GCKR: variants seen among roughly 807,000 people sequenced by gnomAD.
GCKR encodes glucokinase regulatory protein.
A neutral mutation model predicts 82.9 loss-of-function variants in GCKR; 73 were observed. That is an observed-to-expected ratio of 0.88 (90% CI 0.73 to 1.07). The LOEUF (loss-of-function observed/expected upper bound fraction) is 1.07, where lower values mean the gene tolerates loss of function less well. Among genes scored for constraint, GCKR ranks in the 50% least tolerant of loss-of-function variants. The pLI is 0.00. For synonymous variants in GCKR, 294 were observed against 291.8 expected (o/e 1.01, Z -0.08); for missense variants, 784 against 782.1 (o/e 1.00, Z -0.03).
Position 27,523,311 on chromosome 2 carries a change from A to G in GCKR, c.1750A>G (p.Ile584Val). 2 of 1,613,046 alleles carry G rather than the reference A, an allele frequency of 1.2e-6. No homozygotes were observed. Among genetic ancestry groups the G allele is most frequent in the Admixed American group, 1.7e-5 (1 of 60,024 alleles). Residue 584 changes from isoleucine to valine, a missense_variant, in exon 19 of 19, where the codon ATC becomes GTC. Coordinates refer to ENST00000264717, the MANE Select transcript of GCKR (RefSeq NM_001486.4). ...ALLSLLFRCS[I>V]TEAQAHLAAA... ...GCTGAGCCTCCTATTCCGGTGCTCG[A>G]TCACTGAGGCTCAGGCACACCTGGC...
chr2:27,499,789 G>A (rs897099643), intron 7 of GCKR, among the ~76,000 whole-genome samples: 10 of 152,046 alleles, frequency 6.6e-5, no homozygotes, highest in East Asian at 3.8e-4. Flanking sequence ...ATGGAGTCTC[G>A]CTCTGTCACC....
At chr2:27,511,844 C>T (rs115964708) in intron 16 of GCKR, among the ~76,000 whole-genome samples, 371 of 152,056 alleles carry the variant, frequency 2.4e-3, no homozygotes, top group Non-Finnish European at 3.8e-3. Flanking sequence ...CAGAAAAATA[C>T]GAAAATGGTG....
chr2:27,514,869 C>T (rs1163365819), intron 16 of GCKR, among the ~76,000 whole-genome samples: 1 of 152,192 alleles, frequency 6.6e-6, no homozygotes, highest in Non-Finnish European at 1.5e-5. Context: ...ATGCTGCTCT[C>T]CTACAGCCTC....
At chr2:27,510,825 AT>A (rs1343685248) in intron 16 of GCKR, among the ~76,000 whole-genome samples, 3 of 148,162 alleles carry the variant, frequency 2.0e-5, no homozygotes, top group South Asian at 2.1e-4. Flanking sequence ...TTTGGGGGGT[AT>A]TTTTTTTTCT....
intron 16 of GCKR, among the ~76,000 whole-genome samples, chr2:27,517,021 T>C (rs1043877858): frequency 1.3e-5 from 2 of 151,590 alleles, no homozygotes; most frequent in African/African-American, 4.9e-5. Context: ...ACCTTTTTTT[T>C]TTTTTTTTTT....
intron 16 of GCKR, among the ~76,000 whole-genome samples, chr2:27,511,215 A>T (rs951165436): frequency 1.3e-5 from 2 of 151,682 alleles, no homozygotes; most frequent in Non-Finnish European, 2.9e-5. Context: ...TTTTGTAGAG[A>T]CAGGGTTTCA....
Position 27,506,783 on chromosome 2 carries a change from C to A in GCKR, c.969-5C>A, listed in dbSNP as rs1669758035. Reference sequence around the variant, plus strand: ...CTCATGTCCTGACCTCTGACCCATTCTCAGTCTGGAGAAGAAAGGCCACGT... The same window carrying A: ...CTCATGTCCTGACCTCTGACCCATTATCAGTCTGGAGAAGAAAGGCCACGT... On this transcript the variant is annotated splice_region_variant and splice_polypyrimidine_tract_variant and intron_variant, in intron 11 of 18. Transcript: ENST00000264717. 6.3e-7 allele frequency: 1 copy of A among 1,591,848 alleles called. No homozygotes were observed. The highest frequency in any genetic ancestry group is 8.6e-7 in the Non-Finnish European group (1 of 1,159,716).
At chr2:27,510,199 C>T (rs1333834099) in intron 16 of GCKR, among the ~76,000 whole-genome samples, 1 of 151,786 alleles carries the variant, frequency 6.6e-6, no homozygotes. Flanking sequence ...TTAGTAGAGA[C>T]GGGGTTTCAC....
At chr2:27,519,566 T>C (rs1032714534) in intron 17 of GCKR, among the ~76,000 whole-genome samples, 5 of 152,148 alleles carry the variant, frequency 3.3e-5, no homozygotes, top group African/African-American at 1.2e-4. Flanking sequence ...CCTCCTAAAG[T>C]GCTGGGATTA....
intron 18 of GCKR, 78 bp from the exon 19 acceptor site, chr2:27,523,191 G>T: frequency 7.9e-7 from 1 of 1,268,368 alleles, no homozygotes. Context: ...GAGCCACTGC[G>T]CCCGACCTTC....
rs376157442 is a variant in GCKR, at chr2:27,506,880, G to T, written c.1061G>T (p.Gly354Val). 1.3e-5 allele frequency: 21 copies of T among 1,594,208 alleles called. No homozygotes were observed. Among genetic ancestry groups the T allele is most frequent in the Non-Finnish European group, 1.7e-5 (20 of 1,161,994 alleles). ...GGAGTAGAGTGCATCCACACCTTTGGTGCTGGTGGGACCCCAGTCCAGATG... is the reference window on the plus strand; with the variant it reads ...GGAGTAGAGTGCATCCACACCTTTGTTGCTGGTGGGACCCCAGTCCAGATG... ...MDGVECIHTFGADFRDVRGFL... is the reference protein window; with the variant it reads ...MDGVECIHTFVADFRDVRGFL... Residue 354 changes from glycine (G) to valine (V), a missense_variant, in exon 12 of 19, where the codon GGT becomes GTT. By Grantham distance (109) the Gly-to-Val change is moderately radical. Coordinates refer to ENST00000264717, the MANE Select transcript of GCKR (RefSeq NM_001486.4).
Position 27,496,848 on chromosome 2 carries a change from A to G in GCKR, c.-57A>G. On this transcript the variant is annotated 5_prime_UTR_variant, in exon 1 of 19. Coordinates refer to ENST00000264717, the MANE Select transcript of GCKR (RefSeq NM_001486.4). ...AACTGGAAGCAGAGTCATTGTGACC[A>G]GAGGGGTTTGTGTGGCTGAAGAGGC... The G allele has an allele frequency of 2.2e-6, 3 of 1,394,928 alleles. No individual in the cohort carries two copies. The highest frequency in any genetic ancestry group is 3.1e-6 in the Non-Finnish European group (3 of 980,214). The allele number at this position is 1,394,928 out of a possible 1,614,324, so 86.4% of individuals were successfully genotyped here.
chr2:27,512,164 G>A (rs1669899124), intron 16 of GCKR, among the ~76,000 whole-genome samples: 1 of 150,966 alleles, frequency 6.6e-6, no homozygotes. Context: ...GCTTGAACCT[G>A]GGAGGCAGAG....
chr2:27,521,612 A>G (rs993473551), intron 17 of GCKR, among the ~76,000 whole-genome samples: 1 of 151,162 alleles, frequency 6.6e-6, no homozygotes, highest in African/African-American at 2.4e-5. Flanking sequence ...AAGTGCTGGG[A>G]TTACAGGTGT....
chr2:27,508,289 C>T, intron 16 of GCKR, 38 bp downstream of exon 16: 1 of 1,265,960 alleles, frequency 7.9e-7, no homozygotes, highest in African/African-American at 1.5e-5. Context: ...CAGTAAGGGG[C>T]TCAGAGGGTG....
chr2:27,503,472 C>A, intron 8 of GCKR, 42 bp from the exon 9 acceptor site: 1 of 1,074,900 alleles, frequency 9.3e-7, no homozygotes, highest in Non-Finnish European at 1.5e-6. Flanking sequence ...CTTTGAGATC[C>A]TCATAGACAA....
At chr2:27,500,537 A>C (rs1558434131) in intron 7 of GCKR, among the ~76,000 whole-genome samples, 1 of 152,254 alleles carries the variant, frequency 6.6e-6, no homozygotes, top group Non-Finnish European at 1.5e-5. Context: ...GACAGAGACC[A>C]TAGGGCCCAC....
At chr2:27,521,503 T>A (rs905061671) in intron 17 of GCKR, among the ~76,000 whole-genome samples, 4 of 150,238 alleles carry the variant, frequency 2.7e-5, no homozygotes, top group African/African-American at 9.8e-5. Context: ...GCTAATTTTT[T>A]TTTTTTTTTT....
chr2:27,505,203 T>C (rs369343119), intron 9 of GCKR, among the ~76,000 whole-genome samples: 7 of 143,456 alleles, frequency 4.9e-5, no homozygotes, highest in South Asian at 4.4e-4. Context: ...GAGACCATCC[T>C]GGCTAACACG....
Sources: allele counts gnomAD v4.1 joint callset (sites outside exome capture counted in the v4.1 genomes callset), GRCh38; gene constraint gnomAD v4.1.1; transcripts MANE v1.5; gene names NCBI Gene and HGNC (gene_info 2026-07-23, HGNC 2026-07-21).